The following GRID1 variants were observed in gnomAD, a reference collection of about 807,000 sequenced individuals.
The protein encoded by GRID1 is glutamate ionotropic receptor delta type subunit 1.
Under a neutral mutation model 98.0 loss-of-function variants are expected in GRID1, and 28 were observed. The ratio of observed to expected loss-of-function variants is 0.29; its 90% CI spans 0.21 to 0.39. The LOEUF (loss-of-function observed/expected upper bound fraction) is 0.39, where lower values mean the gene tolerates loss of function less well. Among genes scored for constraint, GRID1 ranks in the 10% least tolerant of loss-of-function variants. The pLI is 1.00. For synonymous variants in GRID1, 553 were observed against 538.5 expected, an observed-to-expected ratio of 1.03 and a Z score of -0.37; for missense variants, 1,111 against 1,340.5, an observed-to-expected ratio of 0.83 and a Z score of 2.67.
At chr10:86,097,359 G>A (rs1844236014) in intron 4 of GRID1, among the ~76,000 whole-genome samples, 1 of 152,194 alleles carries the variant, frequency 6.6e-6, no homozygotes, top group Admixed American at 6.5e-5. Flanking sequence ...CAAATTAAAA[G>A]AGGATGCCAT....
intron 9 of GRID1, 139 bp from the exon 10 acceptor site, chr10:85,728,191 C>T (rs886637600): frequency 8.8e-6 from 6 of 682,398 alleles, no homozygotes; most frequent in African/African-American, 1.8e-5. Context: ...ACTTCTCTGC[C>T]TTTTTCTAAA....
chr10:85,933,488 T>G (rs1334216326), intron 4 of GRID1, among the ~76,000 whole-genome samples: 3 of 152,272 alleles, frequency 2.0e-5, no homozygotes, highest in South Asian at 2.1e-4. Context: ...CAAAATGGAC[T>G]AAGACATAAC....
intron 3 of GRID1, among the ~76,000 whole-genome samples, chr10:86,145,935 T>C (rs964093186): frequency 6.6e-6 from 1 of 152,166 alleles, no homozygotes; most frequent in Non-Finnish European, 1.5e-5. Flanking sequence ...CCCTACTTGG[T>C]AAGGAACTGA....
chr10:85,609,104 C>T (rs930275739), intron 15 of GRID1, among the ~76,000 whole-genome samples: 4 of 152,172 alleles, frequency 2.6e-5, no homozygotes, highest in Admixed American at 2.0e-4. Context: ...AAGGACAGTG[C>T]CCTGGCCTTT....
intron 2 of GRID1, among the ~76,000 whole-genome samples, chr10:86,218,721 C>T (rs946301589): frequency 6.6e-5 from 10 of 152,320 alleles, no homozygotes; most frequent in African/African-American, 2.4e-4. Flanking sequence ...TTCTTGTTTA[C>T]CCACAATCAG....
At chr10:86,239,350 C>T (rs753575222) in intron 2 of GRID1, among the ~76,000 whole-genome samples, 1 of 152,192 alleles carries the variant, frequency 6.6e-6, no homozygotes, top group Non-Finnish European at 1.5e-5. Flanking sequence ...TTTGAGCTTG[C>T]AGGCTCATAG....
chr10:86,337,753 G>A (rs1417801889), intron 2 of GRID1, among the ~76,000 whole-genome samples: 1 of 127,952 alleles, frequency 7.8e-6, no homozygotes, highest in Non-Finnish European at 1.5e-5. Context: ...TATCCCCCAG[G>A]CTGGAGTGCA....
intron 8 of GRID1, among the ~76,000 whole-genome samples, chr10:85,783,026 A>G (rs1487445345): frequency 6.6e-6 from 1 of 152,164 alleles, no homozygotes; most frequent in African/African-American, 2.4e-5. Context: ...GCTGGGCCTC[A>G]TTTTTCTTCT....
intron 13 of GRID1, among the ~76,000 whole-genome samples, chr10:85,644,831 C>T (rs1843165309): frequency 6.6e-6 from 1 of 152,222 alleles, no homozygotes; most frequent in Non-Finnish European, 1.5e-5. Flanking sequence ...CACCGCCTCT[C>T]ATTTTGTGCC....
At chr10:85,942,491 A>C (rs1432785799) in intron 4 of GRID1, among the ~76,000 whole-genome samples, 7 of 152,212 alleles carry the variant, frequency 4.6e-5, no homozygotes, top group Admixed American at 4.6e-4. Flanking sequence ...ATACCCATCC[A>C]AAACTTAAAT....
intron 12 of GRID1, among the ~76,000 whole-genome samples, chr10:85,670,071 C>T (rs1398146745): frequency 6.6e-6 from 1 of 152,114 alleles, no homozygotes; most frequent in African/African-American, 2.4e-5. Flanking sequence ...TTCAGAAATA[C>T]ATATTTATGA....
intron 8 of GRID1, among the ~76,000 whole-genome samples, chr10:85,771,480 TTTAAATG>T (rs1842266891): frequency 6.6e-6 from 1 of 151,884 alleles, no homozygotes; most frequent in South Asian, 2.1e-4. Flanking sequence ...CAATATTAAC[TTTAAATG>T]TAAATGGACT....
intron 8 of GRID1, among the ~76,000 whole-genome samples, chr10:85,731,799 C>CAAA (rs554781772): frequency 3.1e-5 from 2 of 63,778 alleles, no homozygotes; most frequent in African/African-American, 1.1e-4. Context: ...GAGACCCTGA[C>CAAA]AAAAAAAAAA....
intron 4 of GRID1, among the ~76,000 whole-genome samples, chr10:86,051,464 G>C (rs947685758): frequency 6.6e-6 from 1 of 150,500 alleles, no homozygotes; most frequent in South Asian, 2.1e-4. Flanking sequence ...AAAGAAAAAG[G>C]AACCAATGAT....
At chr10:86,219,150 G>C (rs1388402663) in intron 2 of GRID1, among the ~76,000 whole-genome samples, 1 of 152,228 alleles carries the variant, frequency 6.6e-6, no homozygotes, top group African/African-American at 2.4e-5. Flanking sequence ...GCCGCTCCCT[G>C]GCCTGTCACC....
chr10:86,122,881 ACTGTTGGGCCCCACTTT>A (rs1184623228), intron 4 of GRID1, among the ~76,000 whole-genome samples: 2 of 152,110 alleles, frequency 1.3e-5, no homozygotes, highest in Non-Finnish European at 2.9e-5. Flanking sequence ...CCCAGTTGGA[ACTGTTGGGCCCCACTTT>A]CTGCAGCTTA....
intron 3 of GRID1, among the ~76,000 whole-genome samples, chr10:86,199,650 A>G (rs1267184139): frequency 6.6e-6 from 1 of 152,162 alleles, no homozygotes; most frequent in Non-Finnish European, 1.5e-5. Context: ...CAGGGCACCC[A>G]GCATGAAGCA....
At chr10:85,841,657 T>G (rs937162208) in intron 8 of GRID1, among the ~76,000 whole-genome samples, 4 of 151,810 alleles carry the variant, frequency 2.6e-5, no homozygotes, top group Admixed American at 6.6e-5. Flanking sequence ...CATTAAAAAG[T>G]GGGCAAAGAA....
At chr10:86,250,181 C>T (rs1340682032) in intron 2 of GRID1, among the ~76,000 whole-genome samples, 6 of 152,144 alleles carry the variant, frequency 3.9e-5, no homozygotes, top group African/African-American at 1.4e-4. Flanking sequence ...ACATTGCTTC[C>T]AGTGGCCAAA....
Sources: allele counts gnomAD v4.1 joint callset (sites outside exome capture counted in the v4.1 genomes callset), GRCh38; gene constraint gnomAD v4.1.1; transcripts MANE v1.5; gene names NCBI Gene and HGNC (gene_info 2026-07-23, HGNC 2026-07-21).